SUGT1: variants seen among roughly 807,000 people sequenced by gnomAD.
SUGT1 encodes SGT1 assembly cochaperone of MIS12 kinetochore complex.
Under a neutral mutation model 56.1 loss-of-function variants are expected in SUGT1, and 15 were observed. That is an observed-to-expected ratio of 0.27 (90% CI 0.18 to 0.41). The LOEUF (loss-of-function observed/expected upper bound fraction) is 0.41. Ranked by LOEUF, SUGT1 falls within the 10% of genes least tolerant of loss-of-function variation. The pLI is 1.00. For missense variants in SUGT1, 347 were observed against 382.2 expected (o/e 0.91, Z 0.77); for synonymous variants, 123 against 128.6 (o/e 0.96, Z 0.30).
rs767953498 is a variant in SUGT1 at position 52,695,187 on chromosome 13, C to G, written c.*7352C>G. The G allele has an allele frequency of 1.3e-5, 2 of 152,156 alleles. No individual in the cohort carries two copies. The highest frequency in any genetic ancestry group is 2.4e-5 in the African/African-American group (1 of 41,422). 9.4% of individuals were successfully genotyped at this position (152,156 alleles called of 1,614,324 possible). ...TGAAGTGACTGAAAGTGAACACATT[C>G]ATAAGTAATGAGCTTAGGCTGAGGA... is the stretch of plus-strand genomic sequence containing the variant. On this transcript the variant is annotated 3_prime_UTR_variant, in exon 13 of 13. Transcript: ENST00000310528.
intron 11 of SUGT1, 69 bp from the exon 12 acceptor site, chr13:52,679,905 A>G: frequency 6.8e-7 from 1 of 1,462,242 alleles, no homozygotes; most frequent in Non-Finnish European, 9.1e-7. Context: ...ACATGGTCAC[A>G]AAGTTTACAT....
chr13:52,676,005 T>C (rs529583919), intron 10 of SUGT1, among the ~76,000 whole-genome samples: 22 of 152,342 alleles, frequency 1.4e-4, no homozygotes, highest in Non-Finnish European at 2.8e-4. Context: ...AGTCTCTTCT[T>C]GATTATAGCT....
intron 11 of SUGT1, among the ~76,000 whole-genome samples, chr13:52,678,618 A>G (rs1963245169): frequency 6.6e-6 from 1 of 152,088 alleles, no homozygotes; most frequent in Non-Finnish European, 1.5e-5. Context: ...TGTGAAATAT[A>G]TGCTACAGTT....
At chr13:52,659,859 C>T (rs1460612613) in intron 5 of SUGT1, among the ~76,000 whole-genome samples, 5 of 116,614 alleles carry the variant, frequency 4.3e-5, no homozygotes, top group Non-Finnish European at 8.2e-5. Flanking sequence ...GACGGAGTCT[C>T]ACTCTGTCGC....
chr13:52,666,386 T>C (rs79266594), intron 9 of SUGT1, among the ~76,000 whole-genome samples: 2,093 of 152,316 alleles, frequency 0.014, 47 homozygotes, highest in African/African-American at 0.048. Context: ...CTCTTGAGTA[T>C]GACTTTTAAC....
At chr13:52,687,210 A>G (rs1262380461) in intron 12 of SUGT1, 1 of 151,732 alleles carries the variant, frequency 6.6e-6, no homozygotes, top group Non-Finnish European at 1.5e-5. Context: ...CTGACTTTCT[A>G]TACCTGCATT....
Position 52,691,272 on chromosome 13 carries a change from C to T in SUGT1, c.*3437C>T, listed in dbSNP as rs1334740565. On this transcript the variant is annotated 3_prime_UTR_variant, in exon 13 of 13. Coordinates refer to ENST00000310528, the MANE Select transcript of SUGT1 (RefSeq NM_006704.5). ...GTGCTGGGATTACAGGAGTGAGCCA[C>T]CATGCCCAGTTATGAACTTCAAGTA... 1.3e-5 allele frequency: 2 copies of T among 152,158 alleles called. No homozygotes were observed. Among genetic ancestry groups the T allele is most frequent in the African/African-American group, 2.4e-5 (1 of 41,432 alleles). The allele number at this position is 152,158 out of a possible 1,614,324, so 9.4% of individuals were successfully genotyped here.
chr13:52,687,092 AGAAAT>A (rs1963623456), intron 12 of SUGT1: 1 of 150,738 alleles, frequency 6.6e-6, no homozygotes, highest in Non-Finnish European at 1.5e-5. Flanking sequence ...AAAAAAAAAA[AGAAAT>A]GTCCAGATGG....
At chr13:52,687,684 A>G (rs781115506) in intron 12 of SUGT1, 50 bp from the exon 13 acceptor site, 13 of 1,425,336 alleles carry the variant, frequency 9.1e-6, no homozygotes, top group African/African-American at 7.2e-5. Context: ...AAAATATTCT[A>G]TTTTGATTAT....
In SUGT1 at chr13:52,652,943, C is replaced by T; in HGVS notation, c.23C>T (p.Thr8Ile). The change falls in exon 1 of 13, where the codon ACT (threonine) becomes ATT (isoleucine). Residue 8 changes from threonine (T) to isoleucine (I), a missense_variant. By Grantham distance (89) the Thr-to-Ile change is moderately conservative. Coordinates refer to ENST00000310528, the MANE Select transcript of SUGT1 (RefSeq NM_006704.5). Reference sequence around the variant, plus strand: ...GGGATGGCGGCGGCTGCAGCAGGAACTGCAACATCCCAGAGGTGCATGTTT... The same window carrying T: ...GGGATGGCGGCGGCTGCAGCAGGAATTGCAACATCCCAGAGGTGCATGTTT... MAAAAAG[T>I]ATSQRFFQSF... 1 of 1,614,242 alleles carries T rather than the reference C, an allele frequency of 6.2e-7. No homozygotes were observed.
intron 12 of SUGT1, among the ~76,000 whole-genome samples, chr13:52,681,586 G>A (rs1963376027): frequency 6.6e-6 from 1 of 151,982 alleles, no homozygotes; most frequent in African/African-American, 2.4e-5. Flanking sequence ...AGTTAAGATA[G>A]GGAACCTTTA....
intron 10 of SUGT1, among the ~76,000 whole-genome samples, chr13:52,672,274 A>T (rs1272770856): frequency 6.6e-6 from 1 of 152,178 alleles, no homozygotes; most frequent in Non-Finnish European, 1.5e-5. Flanking sequence ...CACCTGACAC[A>T]TACTGGAATC....
chr13:52,672,646 G>A (rs922927148), intron 10 of SUGT1, among the ~76,000 whole-genome samples: 4 of 152,176 alleles, frequency 2.6e-5, no homozygotes, highest in Non-Finnish European at 4.4e-5. Context: ...AATGAGTACA[G>A]TCTTGAAGTG....
At chr13:52,683,927 C>T (rs1295584029) in intron 12 of SUGT1, among the ~76,000 whole-genome samples, 1 of 152,138 alleles carries the variant, frequency 6.6e-6, no homozygotes, top group Admixed American at 6.5e-5. Context: ...ATCGCCCAGG[C>T]TAGAGTGTAG....
rs937988292 is a variant in SUGT1 at position 52,694,355 on chromosome 13, G to A, written c.*6520G>A. 3 of 152,152 alleles carry A rather than the reference G, an allele frequency of 2.0e-5. No individual in the cohort carries two copies. The highest frequency in any genetic ancestry group is 4.4e-5 in the Non-Finnish European group (3 of 68,034). The allele number at this position is 152,152 out of a possible 1,614,324, so 9.4% of individuals were successfully genotyped here. Reference sequence around the variant, plus strand: ...AAAGTATATCACCTAGTTAACAATTGTTACTGTAATTTATAAAATTTGTAC... The same window carrying A: ...AAAGTATATCACCTAGTTAACAATTATTACTGTAATTTATAAAATTTGTAC... On this transcript the variant is annotated 3_prime_UTR_variant, in exon 13 of 13. Coordinates refer to ENST00000310528, the MANE Select transcript of SUGT1 (RefSeq NM_006704.5).
At chr13:52,665,133 T>C (rs1962641252) in intron 8 of SUGT1, among the ~76,000 whole-genome samples, 1 of 152,158 alleles carries the variant, frequency 6.6e-6, no homozygotes, top group Admixed American at 6.5e-5. Context: ...TGCCCCTGTT[T>C]TGTGTGCTCA....
At chr13:52,678,971 C>T (rs1366563994) in intron 11 of SUGT1, among the ~76,000 whole-genome samples, 1 of 152,056 alleles carries the variant, frequency 6.6e-6, no homozygotes. Context: ...TGTGAGCCCC[C>T]ATGCCCGGCC....
rs1315960370 is a variant in SUGT1 at position 52,697,059 on chromosome 13, A to G, written c.*9224A>G. 2 of 151,254 alleles carry G rather than the reference A, an allele frequency of 1.3e-5. No homozygotes were observed. Among genetic ancestry groups the G allele is most frequent in the African/African-American group, 2.4e-5 (1 of 41,144 alleles). The allele number at this position is 151,254 out of a possible 1,614,324, so 9.4% of individuals were successfully genotyped here. On this transcript the variant is annotated 3_prime_UTR_variant, in exon 13 of 13. Transcript: ENST00000310528. ...TTGCTCTTGCCCAGGCTGGAATGTA[A>G]TGGCATGGTCGCAGCTCACTGCAGC... is the stretch of plus-strand genomic sequence containing the variant.
Position 52,659,183 on chromosome 13 carries a change from T to G in SUGT1, c.262T>G (p.Cys88Gly). Residue 88 changes from cysteine (C) to glycine (G), a missense_variant, in exon 5 of 13, where the codon TGT (cysteine) becomes GGT (glycine). Physicochemically the swap from Cys to Gly is radical, Grantham distance 159 (BLOSUM62 -3). Coordinates refer to ENST00000310528, the MANE Select transcript of SUGT1 (RefSeq NM_006704.5). ...GTTTTAAATATATTCATGCAGAATATGTGAATACCATGAAAAAAACTATGC... is the reference window on the plus strand; with the variant it reads ...GTTTTAAATATATTCATGCAGAATAGGTGAATACCATGAAAAAAACTATGC... The part of the protein sequence containing the change: ...NSTAMLRKGI[C>G]EYHEKNYAAA... 1 of 1,504,324 alleles carries G rather than the reference T, an allele frequency of 6.6e-7. No homozygotes were observed. The highest frequency in any genetic ancestry group is 8.8e-7 in the Non-Finnish European group (1 of 1,133,822). The allele number at this position is 1,504,324 out of a possible 1,614,324, so 93.2% of individuals were successfully genotyped here. A position where few individuals can be genotyped will look rare whatever the true frequency, so the allele number is the denominator to read the frequency against.
Sources: gnomAD v4.1 joint callset for allele counts (sites outside exome capture counted in the v4.1 genomes callset) on GRCh38, gnomAD v4.1.1 for gene constraint, MANE v1.5 for transcripts, NCBI Gene and HGNC (gene_info 2026-07-23, HGNC 2026-07-21) for gene names.